The following HDC variants were observed in gnomAD, a reference collection of about 807,000 sequenced individuals.
HDC encodes histidine decarboxylase.
HDC carries 27 observed loss-of-function variants against 64.4 expected under a neutral mutation model. The ratio of observed to expected loss-of-function variants is 0.42; its 90% CI spans 0.31 to 0.58. HDC has a LOEUF of 0.58. Ranked by LOEUF, HDC falls within the 20% of genes least tolerant of loss-of-function variation. The probability of loss-of-function intolerance (pLI) is 0.16; values close to 1 mark genes in which losing one functional copy is unlikely to be tolerated. For missense variants in HDC, 711 were observed against 833.9 expected (o/e 0.85, Z 1.81); for synonymous variants, 305 against 314.2 (o/e 0.97, Z 0.31).
intron 9 of HDC, 82 bp downstream of exon 9, chr15:50,252,348 C>T (rs80275773): frequency 0.024 from 23,754 of 1,008,738 alleles, 349 homozygotes; most frequent in African/African-American, 0.054. Flanking sequence ...AGGGAGCCAC[C>T]GTACAGATTT....
intron 10 of HDC, among the ~76,000 whole-genome samples, chr15:50,245,684 C>T (rs535989329): frequency 4.5e-4 from 68 of 152,210 alleles, no homozygotes; most frequent in African/African-American, 1.1e-3. Context: ...TGCTTGAGCC[C>T]AGGAGCGTGA....
intron 10 of HDC, 113 bp from the exon 11 acceptor site, chr15:50,243,357 T>C: frequency 1.3e-6 from 1 of 778,586 alleles, no homozygotes; most frequent in Non-Finnish European, 2.3e-6. Flanking sequence ...GTCACAGCCG[T>C]TGTAAGCGGC....
At position 50,242,176 on chromosome 15, in the gene HDC, A is replaced by C; in HGVS notation, c.*84T>G. Reference sequence around the variant, plus strand: ...CCCCAAGAAAAATGCATGTACACATAAGCACACAAAGTTGGCATACAATTG... The same window carrying C: ...CCCCAAGAAAAATGCATGTACACATCAGCACACAAAGTTGGCATACAATTG... On this transcript the variant is annotated 3_prime_UTR_variant, in exon 12 of 12. Coordinates refer to ENST00000267845, the MANE Select transcript of HDC (RefSeq NM_002112.4). 8.8e-7 allele frequency: 1 copy of C among 1,142,066 alleles called. No homozygotes were observed. The highest frequency in any genetic ancestry group is 1.3e-6 in the Non-Finnish European group (1 of 754,760). The allele number at this position is 1,142,066 out of a possible 1,614,324, so 70.7% of individuals were successfully genotyped here.
chr15:50,262,768 GTTCCCCAC>G (rs958851369), intron 2 of HDC, among the ~76,000 whole-genome samples: 13 of 152,306 alleles, frequency 8.5e-5, no homozygotes, highest in African/African-American at 3.1e-4. Flanking sequence ...GCCAGGATGT[GTTCCCCAC>G]TTCCTTCCTT....
rs370839002 is a variant in HDC at position 50,248,399 on chromosome 15, C to T, written c.1042-56G>A. The T allele has an allele frequency of 1.5e-5, 19 of 1,259,782 alleles. No individual in the cohort carries two copies. Among genetic ancestry groups the T allele is most frequent in the East Asian group, 7.0e-5 (3 of 42,954 alleles). The allele number at this position is 1,259,782 out of a possible 1,614,324, so 78.0% of individuals were successfully genotyped here. A position where few individuals can be genotyped will look rare whatever the true frequency, so the allele number is the denominator to read the frequency against. On this transcript the variant is annotated intron_variant, in intron 9 of 11. Coordinates refer to ENST00000267845, the MANE Select transcript of HDC (RefSeq NM_002112.4). The surrounding 1 kb of genome is among the most constrained non-coding windows in gnomAD (Gnocchi z 4.3). ...TAGAGACAAGGGTGCCCCACTCCCT[C>T]GGGCATTTCTGGGCATTATCTGTTG...
rs763430763 is a variant in HDC, at chr15:50,253,505, A to G, written c.787+95T>C. Reference sequence around the variant, plus strand: ...TCTCTGCATTGACCAAAGAGGAACAAGAATAATCCCATAGAGCTGGTTTCA... The same window carrying G: ...TCTCTGCATTGACCAAAGAGGAACAGGAATAATCCCATAGAGCTGGTTTCA... On this transcript the variant is annotated intron_variant, in intron 7 of 11. Transcript: ENST00000267845. 7 of 1,123,988 alleles carry G rather than the reference A, an allele frequency of 6.2e-6. No homozygotes were observed. In the East Asian group the frequency reaches 9.4e-5, roughly 15 times the overall value. The allele number at this position is 1,123,988 out of a possible 1,614,324, so 69.6% of individuals were successfully genotyped here. A position where few individuals can be genotyped will look rare whatever the true frequency, so the allele number is the denominator to read the frequency against.
At chr15:50,243,887 G>A (rs1055175768) in intron 10 of HDC, among the ~76,000 whole-genome samples, 3 of 152,184 alleles carry the variant, frequency 2.0e-5, no homozygotes. Flanking sequence ...CAGAGTTTCT[G>A]CTCGGGATGA....
intron 2 of HDC, among the ~76,000 whole-genome samples, chr15:50,260,317 G>A (rs530268918): frequency 4.6e-5 from 7 of 152,032 alleles, no homozygotes; most frequent in Admixed American, 1.3e-4. Flanking sequence ...CACTGTGTCC[G>A]GCCTCCTTCT....
intron 2 of HDC, among the ~76,000 whole-genome samples, chr15:50,260,184 G>A (rs1466232317): frequency 6.6e-6 from 1 of 151,990 alleles, no homozygotes; most frequent in East Asian, 1.9e-4. Context: ...ACCATGCCTG[G>A]CTAATTTTTT....
intron 2 of HDC, among the ~76,000 whole-genome samples, chr15:50,262,732 C>T (rs549540400): frequency 3.3e-5 from 5 of 152,224 alleles, no homozygotes; most frequent in South Asian, 2.1e-4. Flanking sequence ...CCTGGGCCAA[C>T]GCAACCTGGT....
In HDC at chr15:50,252,697, A is replaced by C; in HGVS notation, c.865T>G (p.Phe289Val). The C allele has an allele frequency of 6.2e-7, 1 of 1,613,926 alleles. No homozygotes were observed. The highest frequency in any genetic ancestry group is 1.1e-5 in the South Asian group (1 of 91,066). The change falls in exon 8 of 12, where the codon TTT (phenylalanine) becomes GTT (valine). Residue 289 changes from phenylalanine (F) to valine (V), a missense_variant. Physicochemically the swap from Phe to Val is conservative, Grantham distance 50 (BLOSUM62 -1). Coordinates refer to ENST00000267845, the MANE Select transcript of HDC (RefSeq NM_002112.4). ...TAFLCPEFRG[F>V]LKGIEYADSF... Reference sequence around the variant, plus strand: ...TCGGCATACTCAATCCCCTTCAGAAACCCCCGGAACTCGGGGCACAGGAAG... The same window carrying C: ...TCGGCATACTCAATCCCCTTCAGAACCCCCCGGAACTCGGGGCACAGGAAG...
At chr15:50,253,408 A>G in intron 7 of HDC, 192 bp downstream of exon 7, 1 of 664,170 alleles carries the variant, frequency 1.5e-6, no homozygotes, top group Non-Finnish European at 2.7e-6. Context: ...AACTCTTGTC[A>G]CACCACTGGG....
intron 4 of HDC, 78 bp from the exon 5 acceptor site, chr15:50,254,742 C>T (rs1409106869): frequency 5.5e-5 from 11 of 199,682 alleles, no homozygotes; most frequent in East Asian, 2.4e-4. Context: ...AGTTTTTTCT[C>T]TCTCTCTCTC....
At chr15:50,245,674 T>C (rs1430956010) in intron 10 of HDC, among the ~76,000 whole-genome samples, 1 of 152,108 alleles carries the variant, frequency 6.6e-6, no homozygotes, top group African/African-American at 2.4e-5. Flanking sequence ...GTAGGCAGAT[T>C]GCTTGAGCCC....
chr15:50,253,892 C>T, intron 6 of HDC: 1 of 639,854 alleles, frequency 1.6e-6, no homozygotes, highest in East Asian at 2.7e-5. Flanking sequence ...ACAATACATA[C>T]TCTGGCTATA....
In HDC at chr15:50,263,362, C is replaced by T. The variant is rs760172931; in HGVS notation, c.77G>A (p.Arg26Gln). 13 of 1,614,052 alleles carry T rather than the reference C, an allele frequency of 8.1e-6. No homozygotes were observed. Among genetic ancestry groups the T allele is most frequent in the Admixed American group, 3.3e-5 (2 of 59,994 alleles). The change falls in exon 2 of 12, where the codon CGG (arginine) becomes CAG (glutamine). Residue 26 changes from arginine (R) to glutamine (Q), a missense_variant. By Grantham distance (43) the Arg-to-Gln change is conservative (BLOSUM62 1). Coordinates refer to ENST00000267845, the MANE Select transcript of HDC (RefSeq NM_002112.4). Reference sequence around the variant, plus strand: ...CACGTCTGGCGTCACACGTCTCTCCCGCACAGTGCTCAGGTACTGGCAGAT... The same window carrying T: ...CACGTCTGGCGTCACACGTCTCTCCTGCACAGTGCTCAGGTACTGGCAGAT... ...DYICQYLSTV[R>Q]ERRVTPDVQP...
At chr15:50,243,045 C>T in intron 11 of HDC, 39 bp from the exon 12 acceptor site, 1 of 1,614,008 alleles carries the variant, frequency 6.2e-7, no homozygotes, top group Admixed American at 1.7e-5. Context: ...TCCATCGCAC[C>T]CCCTGTCAGC....
intron 1 of HDC, among the ~76,000 whole-genome samples, chr15:50,265,087 G>A (rs1354895199): frequency 1.3e-5 from 2 of 152,178 alleles, no homozygotes. Context: ...CCATGCCTGA[G>A]AACTGGATAA....
rs561902154 is a variant in HDC, at chr15:50,248,589, T to C, written c.1042-246A>G. Among the ~76,000 whole-genome samples, 360 of 152,240 alleles carry C rather than the reference T, an allele frequency of 2.4e-3. 1 individual carries two copies. The highest frequency in any genetic ancestry group is 8.5e-3 in the African/African-American group (353 of 41,554). ...GCCAGACAAGTGGAAGTCAAGTCCA[T>C]TACCCTGAACCAATGAGAAGGGCAC... On this transcript the variant is annotated intron_variant, in intron 9 of 11. Transcript: ENST00000267845. This position sits in a 1 kb window ranked among gnomAD's most constrained non-coding sequence, Gnocchi z 4.3.
Sources: gnomAD v4.1 joint callset for allele counts (sites outside exome capture counted in the v4.1 genomes callset) on GRCh38, gnomAD v4.1.1 for gene constraint, Gnocchi (gnomAD v3.1) non-coding constraint, MANE v1.5 for transcripts, NCBI Gene and HGNC (gene_info 2026-07-23, HGNC 2026-07-21) for gene names.